CNOT4: variants seen among roughly 807,000 people sequenced by gnomAD.
CNOT4 encodes CCR4-associated factor 4.
Under a neutral mutation model 73.8 loss-of-function variants are expected in CNOT4, and 8 were observed. The ratio of observed to expected loss-of-function variants is 0.11; its 90% CI spans 0.06 to 0.20. CNOT4 has a LOEUF of 0.20. Among genes scored for constraint, CNOT4 ranks in the 10% least tolerant of loss-of-function variants. The pLI is 1.00. For missense variants in CNOT4, 564 were observed against 883.4 expected, an observed-to-expected ratio of 0.64 and a Z score of 4.58; for synonymous variants, 293 against 321.1, an observed-to-expected ratio of 0.91 and a Z score of 0.94.
In CNOT4 at chr7:135,445,878, G is replaced by A. The variant is rs537521403; in HGVS notation, c.-92-7455C>T. Among the ~76,000 whole-genome samples the A allele has an allele frequency of 6.6e-5, 10 of 152,146 alleles. No homozygotes were observed. The South Asian group carries it at 2.1e-3, about 32-fold the overall frequency. On this transcript the variant is annotated intron_variant, in intron 1 of 11. Transcript: ENST00000541284. ...CAAATATTTTATGTTTTCACTTTTG[G>A]TTTCTTGTTTTTGAGACACAGTCTC...
At chr7:135,492,957 A>C (rs1379349853) in intron 1 of CNOT4, among the ~76,000 whole-genome samples, 1 of 152,206 alleles carries the variant, frequency 6.6e-6, no homozygotes, top group Non-Finnish European at 1.5e-5. Context: ...ATGAGCCAGG[A>C]GCTAAACCAG....
At chr7:135,387,982 G>A in intron 10 of CNOT4, 1 of 978,754 alleles carries the variant, frequency 1.0e-6, no homozygotes, top group Non-Finnish European at 1.2e-6. Flanking sequence ...ATTACTGTTT[G>A]TTCAGTAACA....
chr7:135,506,137 A>AT (rs1442078699), intron 1 of CNOT4, among the ~76,000 whole-genome samples: 2 of 152,178 alleles, frequency 1.3e-5, no homozygotes, highest in Non-Finnish European at 2.9e-5. Flanking sequence ...ATATTTGCAG[A>AT]TTTTTCCTAA....
intron 1 of CNOT4, among the ~76,000 whole-genome samples, chr7:135,497,480 T>A (rs1803665223): frequency 6.6e-6 from 1 of 152,132 alleles, no homozygotes; most frequent in Non-Finnish European, 1.5e-5. Context: ...ATTGAGCATC[T>A]ACCATCAACC....
intron 1 of CNOT4, among the ~76,000 whole-genome samples, chr7:135,481,873 TAA>T (rs902204166): frequency 6.6e-6 from 1 of 152,134 alleles, no homozygotes; most frequent in African/African-American, 2.4e-5. Context: ...ATGTAGAAAC[TAA>T]AAGAGTTAAT....
At chr7:135,368,111 G>T (rs1178041095) in intron 10 of CNOT4, among the ~76,000 whole-genome samples, 1 of 151,508 alleles carries the variant, frequency 6.6e-6, no homozygotes, top group Non-Finnish European at 1.5e-5. Flanking sequence ...ACAATTTAAA[G>T]TACTTTCAAG....
At chr7:135,387,769 T>C (rs1443582858) in intron 10 of CNOT4, 12 of 977,714 alleles carry the variant, frequency 1.2e-5, no homozygotes, top group Non-Finnish European at 1.5e-5. Context: ...TTCAGAAATA[T>C]CACTTCACAT....
intron 10 of CNOT4, among the ~76,000 whole-genome samples, chr7:135,375,696 G>A (rs1014468492): frequency 5.9e-5 from 9 of 152,146 alleles, no homozygotes; most frequent in African/African-American, 1.7e-4. Flanking sequence ...AGGCCGAGGC[G>A]GGAGGATCAC....
chr7:135,370,337 CAG>C (rs1795128314), intron 10 of CNOT4, among the ~76,000 whole-genome samples: 1 of 152,308 alleles, frequency 6.6e-6, no homozygotes, highest in African/African-American at 2.4e-5. Context: ...ATGACATAAA[CAG>C]AAAAATCCAG....
At chr7:135,479,682 G>C (rs901699002) in intron 1 of CNOT4, among the ~76,000 whole-genome samples, 5 of 152,100 alleles carry the variant, frequency 3.3e-5, no homozygotes, top group South Asian at 4.1e-4. Context: ...AGGATGGCTT[G>C]AGTTCAGGAG....
chr7:135,415,335 C>A, intron 3 of CNOT4, 73 bp from the exon 4 acceptor site: 1 of 728,442 alleles, frequency 1.4e-6, no homozygotes, highest in South Asian at 1.8e-5. Flanking sequence ...TGGAGACATT[C>A]ATCATCCCTC....
At chr7:135,414,955 A>G (rs2129484210) in intron 4 of CNOT4, among the ~76,000 whole-genome samples, 1 of 152,032 alleles carries the variant, frequency 6.6e-6, no homozygotes, top group South Asian at 2.1e-4. Flanking sequence ...CTTTCACTCC[A>G]TCACTAAATG....
chr7:135,485,257 A>G (rs745775214), intron 1 of CNOT4, among the ~76,000 whole-genome samples: 1 of 152,136 alleles, frequency 6.6e-6, no homozygotes, highest in Non-Finnish European at 1.5e-5. Context: ...ATTTTTATAG[A>G]GACGGGCTTT....
intron 7 of CNOT4, among the ~76,000 whole-genome samples, chr7:135,403,808 GC>G (rs1797129985): frequency 1.3e-5 from 2 of 152,084 alleles, no homozygotes; most frequent in Admixed American, 1.3e-4. Flanking sequence ...ACATCTACTA[GC>G]CTAAACATAT....
chr7:135,399,429 C>G (rs1160618229), intron 7 of CNOT4, among the ~76,000 whole-genome samples: 1 of 151,898 alleles, frequency 6.6e-6, no homozygotes, highest in Non-Finnish European at 1.5e-5. Flanking sequence ...AGAAAAGGTA[C>G]AGTAAAAAAG....
At chr7:135,388,556 A>G in intron 10 of CNOT4, 1 of 1,101,844 alleles carries the variant, frequency 9.1e-7, no homozygotes, top group Non-Finnish European at 1.1e-6. Context: ...ATGAGTTAGA[A>G]ATAGTATCAC....
chr7:135,467,207 T>A (rs1303838377), intron 1 of CNOT4, among the ~76,000 whole-genome samples: 2 of 152,220 alleles, frequency 1.3e-5, no homozygotes, highest in Non-Finnish European at 2.9e-5. Flanking sequence ...GAAATATTAA[T>A]GATTAATAAA....
At chr7:135,447,866 G>A (rs1015753593) in intron 1 of CNOT4, among the ~76,000 whole-genome samples, 2 of 152,204 alleles carry the variant, frequency 1.3e-5, no homozygotes, top group Non-Finnish European at 2.9e-5. Flanking sequence ...AGAGTCGTAT[G>A]GATCTGGCTA....
intron 1 of CNOT4, among the ~76,000 whole-genome samples, chr7:135,500,899 T>A (rs745836585): frequency 8.5e-5 from 13 of 152,146 alleles, no homozygotes; most frequent in Non-Finnish European, 7.3e-5. Context: ...ATAAAGATAA[T>A]ATTTCTTTAT....
Sources: gnomAD v4.1 joint callset for allele counts (sites outside exome capture counted in the v4.1 genomes callset) on GRCh38, gnomAD v4.1.1 for gene constraint, MANE v1.5 for transcripts, NCBI Gene and HGNC (gene_info 2026-07-23, HGNC 2026-07-21) for gene names.